The following FLT1 variants were observed in gnomAD, a reference collection of about 807,000 sequenced individuals.
FLT1 encodes the protein vascular endothelial growth factor receptor 1.
A neutral mutation model predicts 156.3 loss-of-function variants in FLT1; 49 were observed. The ratio of observed to expected loss-of-function variants is 0.31; its 90% CI spans 0.25 to 0.40. The LOEUF is 0.40. Ranked by LOEUF, FLT1 falls within the 10% of genes least tolerant of loss-of-function variation. The probability of loss-of-function intolerance (pLI) is 1.00; values close to 1 mark genes in which losing one functional copy is unlikely to be tolerated. For missense variants in FLT1, 1,322 were observed against 1,637.2 expected (o/e 0.81, Z 3.32); for synonymous variants, 594 against 583.8 (o/e 1.02, Z -0.25).
At chr13:28,370,519 A>G (rs1322919084) in intron 14 of FLT1, among the ~76,000 whole-genome samples, 2 of 152,368 alleles carry the variant, frequency 1.3e-5, no homozygotes, top group South Asian at 2.1e-4. Context: ...TGAAGAGGCT[A>G]TAGTTAAAAT....
chr13:28,485,126 T>C (rs1167512510), intron 1 of FLT1, among the ~76,000 whole-genome samples: 2 of 152,168 alleles, frequency 1.3e-5, no homozygotes, highest in African/African-American at 2.4e-5. Context: ...AATAAATATA[T>C]AATTGAAATA....
chr13:28,457,176 A>G (rs543199719), intron 3 of FLT1, among the ~76,000 whole-genome samples: 1 of 149,920 alleles, frequency 6.7e-6, no homozygotes, highest in South Asian at 2.1e-4. Flanking sequence ...AAAAAAAATC[A>G]TACACACACA....
At position 28,300,562 on chromosome 13, in the gene FLT1, G is replaced by C. The variant is rs1870473709; in HGVS notation, c.*2605C>G. On this transcript the variant is annotated 3_prime_UTR_variant, in exon 30 of 30. Transcript: ENST00000282397. ...ACACACACACACACACACACATACA[G>C]TTACACCACTGTCGGCCAAAGATGC... 1 of 204,670 alleles carries C rather than the reference G, an allele frequency of 4.9e-6. No homozygotes were observed. Among genetic ancestry groups the C allele is most frequent in the African/African-American group, 3.2e-5 (1 of 31,102 alleles). 12.7% of individuals were successfully genotyped at this position (204,670 alleles called of 1,614,324 possible).
chr13:28,414,507 G>C (rs1876528774), intron 10 of FLT1, among the ~76,000 whole-genome samples: 1 of 152,098 alleles, frequency 6.6e-6, no homozygotes, highest in Non-Finnish European at 1.5e-5. Flanking sequence ...AAAGAAGATT[G>C]GTTTGACATC....
intron 27 of FLT1, 23 bp from the exon 28 acceptor site, chr13:28,308,950 T>C (rs768570374): frequency 6.8e-7 from 1 of 1,469,078 alleles, no homozygotes; most frequent in South Asian, 1.1e-5. Flanking sequence ...CAGAAAGAAT[T>C]ATCAAGACAG....
Position 28,357,571 on chromosome 13 carries a change from G to A in FLT1, c.2231C>T (p.Ala744Val). 1.2e-6 allele frequency: 2 copies of A among 1,614,094 alleles called. No homozygotes were observed. Among genetic ancestry groups the A allele is most frequent in the Non-Finnish European group, 1.7e-6 (2 of 1,179,948 alleles). Residue 744 changes from alanine to valine, a missense_variant, in exon 15 of 30, where the codon GCA becomes GTA. Physicochemically the swap from Ala to Val is moderately conservative, Grantham distance 64 (BLOSUM62 0). Coordinates refer to ENST00000282397, the MANE Select transcript of FLT1 (RefSeq NM_002019.4). ...TNQKGSVESSAYLTVQGTSDK... is the reference protein window; with the variant it reads ...TNQKGSVESSVYLTVQGTSDK... ...CTGTTTACCTTGAACAGTGAGGTAT[G>A]CTGAACTTTCCACAGAGCCCTTCTG... is the stretch of plus-strand genomic sequence containing the variant.
At chr13:28,433,766 TCAC>T in intron 6 of FLT1, 50 bp downstream of exon 6, 1 of 1,566,608 alleles carries the variant, frequency 6.4e-7, no homozygotes, top group South Asian at 1.1e-5. Context: ...CTGCGGGATT[TCAC>T]TTGCTTAAAA....
At chr13:28,476,215 G>C (rs189546216) in intron 1 of FLT1, among the ~76,000 whole-genome samples, 5 of 152,212 alleles carry the variant, frequency 3.3e-5, no homozygotes, top group Admixed American at 3.3e-4. Flanking sequence ...GTGGTGGGGA[G>C]GTTGATGTAG....
chr13:28,405,755 C>G (rs1875750224), intron 11 of FLT1, 25 bp downstream of exon 11: 1 of 1,170,458 alleles, frequency 8.5e-7, no homozygotes, highest in Admixed American at 1.7e-5. Flanking sequence ...ATAAATATCC[C>G]AGTGCGCATT....
chr13:28,461,819 C>T (rs180891942), intron 3 of FLT1, among the ~76,000 whole-genome samples: 3 of 152,164 alleles, frequency 2.0e-5, no homozygotes, highest in Admixed American at 1.3e-4. Context: ...CCAATGTGTC[C>T]GATAATGTTT....
chr13:28,374,425 C>T (rs1368497886), intron 14 of FLT1, among the ~76,000 whole-genome samples: 2 of 149,312 alleles, frequency 1.3e-5, no homozygotes, highest in Non-Finnish European at 2.9e-5. Flanking sequence ...AAAAAACAAA[C>T]AAAAAACAAA....
intron 10 of FLT1, among the ~76,000 whole-genome samples, chr13:28,421,422 G>T (rs1395039622): frequency 6.6e-6 from 1 of 152,158 alleles, no homozygotes; most frequent in Non-Finnish European, 1.5e-5. Flanking sequence ...AGCTAACTGG[G>T]CAGAGAATGA....
chr13:28,321,921 GGCCCT>G (rs1316555073), intron 22 of FLT1, among the ~76,000 whole-genome samples: 6 of 152,164 alleles, frequency 3.9e-5, no homozygotes, highest in African/African-American at 1.4e-4. Context: ...TTTGTGGGAG[GGCCCT>G]ATATGGCTAT....
In FLT1 at chr13:28,301,139, T is replaced by C. The variant is rs61477468; in HGVS notation, c.*2028A>G. 0.017 allele frequency: 4,028 copies of C among 232,776 alleles called. 163 individuals are homozygous for C. The highest frequency in any genetic ancestry group is 0.083 in the African/African-American group (3,778 of 45,288). The allele number at this position is 232,776 out of a possible 1,614,324, so 14.4% of individuals were successfully genotyped here. On this transcript the variant is annotated 3_prime_UTR_variant, in exon 30 of 30. Coordinates refer to ENST00000282397, the MANE Select transcript of FLT1 (RefSeq NM_002019.4). Reference sequence around the variant, plus strand: ...ACATGAATAGCTAAGGTTTTATTTGTTATCACTATTTGCTGGGCTATTATC... The same window carrying C: ...ACATGAATAGCTAAGGTTTTATTTGCTATCACTATTTGCTGGGCTATTATC...
intron 3 of FLT1, among the ~76,000 whole-genome samples, chr13:28,451,673 T>G (rs1360898805): frequency 6.8e-6 from 1 of 146,836 alleles, no homozygotes; most frequent in Non-Finnish European, 1.5e-5. Context: ...GAGGCAGGAG[T>G]CAGGGGAGGA....
chr13:28,418,082 A>T (rs1876762108), intron 10 of FLT1, among the ~76,000 whole-genome samples: 1 of 152,140 alleles, frequency 6.6e-6, no homozygotes, highest in Non-Finnish European at 1.5e-5. Context: ...GAGATCAAAT[A>T]CCCCTGGATG....
At position 28,343,735 on chromosome 13, in the gene FLT1, C is replaced by T. The variant is rs573786849; in HGVS notation, c.2355+1710G>A. On this transcript the variant is annotated intron_variant, in intron 16 of 29. Transcript: ENST00000282397. Reference sequence around the variant, plus strand: ...TTGGCTTACTGCAAGCTCCACCTCCCAGGTTCATGCCATTCTCCTGCCTCA... The same window carrying T: ...TTGGCTTACTGCAAGCTCCACCTCCTAGGTTCATGCCATTCTCCTGCCTCA... Among the ~76,000 whole-genome samples the T allele has an allele frequency of 2.4e-3, 357 of 151,760 alleles. 1 individual carries two copies. Among genetic ancestry groups the T allele is most frequent in the African/African-American group, 8.1e-3 (333 of 41,326 alleles).
rs1376563558 is a variant in FLT1 at position 28,494,866 on chromosome 13, C to T, written c.-23G>A. The T allele has an allele frequency of 3.9e-6, 6 of 1,523,386 alleles. No homozygotes were observed. The highest frequency in any genetic ancestry group is 5.3e-6 in the Non-Finnish European group (6 of 1,140,646). 94.4% of individuals were successfully genotyped at this position (1,523,386 alleles called of 1,614,324 possible). Reference sequence around the variant, plus strand: ...CATGGTGAGCGCGACGCGGCCTGCTCGCCCGGTGCCCGCGCTCCCCGCGGC... The same window carrying T: ...CATGGTGAGCGCGACGCGGCCTGCTTGCCCGGTGCCCGCGCTCCCCGCGGC... On this transcript the variant is annotated 5_prime_UTR_variant, in exon 1 of 30. Coordinates refer to ENST00000282397, the MANE Select transcript of FLT1 (RefSeq NM_002019.4).
intron 10 of FLT1, among the ~76,000 whole-genome samples, chr13:28,426,821 T>A (rs1566021027): frequency 1.3e-5 from 2 of 152,152 alleles, no homozygotes; most frequent in Non-Finnish European, 1.5e-5. Context: ...ACTGACATAG[T>A]GGTATTGCCA....
Sources: allele counts gnomAD v4.1 joint callset (sites outside exome capture counted in the v4.1 genomes callset), GRCh38; gene constraint gnomAD v4.1.1; transcripts MANE v1.5; gene names NCBI Gene and HGNC (gene_info 2026-07-23, HGNC 2026-07-21).